Variants in MARCHF1 observed in about 807,000 individuals in gnomAD.
MARCHF1 encodes the protein membrane associated ring-CH-type finger 1.
MARCHF1 carries 40 observed loss-of-function variants against 54.2 expected under a neutral mutation model. The ratio of observed to expected loss-of-function variants is 0.74; its 90% CI spans 0.57 to 0.96. The LOEUF (loss-of-function observed/expected upper bound fraction) is 0.96, where lower values mean the gene tolerates loss of function less well. MARCHF1 is among the 40% of genes least tolerant of loss of function. The pLI, the probability that MARCHF1 is intolerant of heterozygous loss-of-function variation, is 0.00. For missense variants in MARCHF1, 586 were observed against 656.5 expected (o/e 0.89, Z 1.17); for synonymous variants, 236 against 236.3 (o/e 1.00, Z 0.01).
chr4:163,590,610 AT>A (rs1740560172), intron 7 of MARCHF1, among the ~76,000 whole-genome samples: 1 of 152,074 alleles, frequency 6.6e-6, no homozygotes, highest in Non-Finnish European at 1.5e-5. Flanking sequence ...TTCTTTTCAT[AT>A]GAGCTTGTAC....
At chr4:163,873,667 G>C (rs1750228035) in intron 3 of MARCHF1, among the ~76,000 whole-genome samples, 1 of 152,152 alleles carries the variant, frequency 6.6e-6, no homozygotes, top group Non-Finnish European at 1.5e-5. Context: ...GGAAAACTAA[G>C]ATCAGTGAGA....
chr4:163,979,605 C>G (rs1206148772), intron 3 of MARCHF1, among the ~76,000 whole-genome samples: 1 of 151,488 alleles, frequency 6.6e-6, no homozygotes, highest in Non-Finnish European at 1.5e-5. Flanking sequence ...ACACTGACTT[C>G]CACAATGGTT....
chr4:163,993,688 A>G (rs1357893353), intron 2 of MARCHF1, among the ~76,000 whole-genome samples: 1 of 152,172 alleles, frequency 6.6e-6, no homozygotes, highest in African/African-American at 2.4e-5. Flanking sequence ...ACAAAAGAAC[A>G]TCATCACAAA....
intron 1 of MARCHF1, among the ~76,000 whole-genome samples, chr4:164,175,456 A>G (rs1451047917): frequency 4.6e-5 from 7 of 152,186 alleles, no homozygotes; most frequent in African/African-American, 1.4e-4. Flanking sequence ...TATAAAATTA[A>G]TCTATGATAA....
rs61734697 is a variant in MARCHF1, at chr4:164,197,315, T to G, written c.-322-85653A>C. ...AGATATGTGAGTTGCAGGAGAAGCT[T>G]GAACACGTTTTCTCCGTAGTCGTTC... is the stretch of plus-strand genomic sequence containing the variant. On this transcript the variant is annotated intron_variant, in intron 1 of 9. Coordinates refer to ENST00000514618, the MANE Select transcript of MARCHF1 (RefSeq NM_001394959.1). The G allele has an allele frequency of 2.1e-5, 34 of 1,612,032 alleles. No individual in the cohort carries two copies. In the Admixed American group the frequency reaches 4.8e-4, roughly 23 times the overall value.
intron 5 of MARCHF1, among the ~76,000 whole-genome samples, chr4:163,693,967 G>A (rs1277659618): frequency 6.6e-6 from 1 of 152,112 alleles, no homozygotes; most frequent in Non-Finnish European, 1.5e-5. Flanking sequence ...AAAGGTCAGA[G>A]ACACTTCACC....
intron 1 of MARCHF1, among the ~76,000 whole-genome samples, chr4:164,355,737 C>A (rs373481197): frequency 6.9e-5 from 7 of 101,150 alleles, no homozygotes; most frequent in Admixed American, 3.2e-4. Flanking sequence ...ACCAAAAGCA[C>A]TGGCAACAAA....
At chr4:163,659,788 C>T (rs1233096439) in intron 5 of MARCHF1, among the ~76,000 whole-genome samples, 1 of 151,978 alleles carries the variant, frequency 6.6e-6, no homozygotes, top group African/African-American at 2.4e-5. Context: ...AGCCAACAAA[C>T]ATACGGAAAA....
rs142778782 is a variant in MARCHF1, at chr4:164,014,116, C to T, written c.-247-25407G>A. Among the ~76,000 whole-genome samples, 565 of 150,804 alleles carry T rather than the reference C, an allele frequency of 3.7e-3. 4 individuals are homozygous for T. The highest frequency in any genetic ancestry group is 0.013 in the African/African-American group (547 of 41,010). ...CTGAGGCAGGAGAATTGTTTGAACC[C>T]AGGAGGCAGAGGTTGCAGTGACCCG... On this transcript the variant is annotated intron_variant, in intron 2 of 9. Coordinates refer to ENST00000514618, the MANE Select transcript of MARCHF1 (RefSeq NM_001394959.1).
At chr4:164,119,320 C>T (rs751553293) in intron 1 of MARCHF1, among the ~76,000 whole-genome samples, 13 of 150,532 alleles carry the variant, frequency 8.6e-5, no homozygotes, top group Non-Finnish European at 1.8e-4. Context: ...ATAATGAAAA[C>T]TTAGACTGTC....
chr4:164,274,898 G>A (rs913134309), intron 1 of MARCHF1, among the ~76,000 whole-genome samples: 7 of 150,432 alleles, frequency 4.7e-5, no homozygotes, highest in South Asian at 2.1e-4. Flanking sequence ...GGATGGTCTC[G>A]ATCTCCTGAC....
At chr4:164,110,347 T>C (rs1284084074) in intron 2 of MARCHF1, among the ~76,000 whole-genome samples, 1 of 151,886 alleles carries the variant, frequency 6.6e-6, no homozygotes, top group Non-Finnish European at 1.5e-5. Context: ...TATATAATCT[T>C]TATTTCTGCT....
intron 3 of MARCHF1, among the ~76,000 whole-genome samples, chr4:163,897,892 T>TA (rs71600649): frequency 0.31 from 45,865 of 148,734 alleles, 7,307 homozygotes; most frequent in African/African-American, 0.37. Context: ...CAGTCTCTAC[T>TA]AAAAAAAAAC....
chr4:164,081,509 AG>A (rs536099818), intron 2 of MARCHF1, among the ~76,000 whole-genome samples: 1 of 152,156 alleles, frequency 6.6e-6, no homozygotes. Flanking sequence ...CCAGTAAAGA[AG>A]AGGACATTCT....
At chr4:164,235,340 T>C (rs7684050) in intron 1 of MARCHF1, among the ~76,000 whole-genome samples, 92,916 of 151,952 alleles carry the variant, frequency 0.61, 29,285 homozygotes, top group Non-Finnish European at 0.7. Context: ...TCACGTTGGA[T>C]CTGAAGTATT....
chr4:163,967,704 A>G lies in MARCHF1; in HGVS notation c.-39+20797T>C, dbSNP rs1752471525. ...TCTATCTATATCGATATCTATTGAT[A>G]TGTACATAAAGAGAGGGGGAATTTG... On this transcript the variant is annotated intron_variant, in intron 3 of 9. Transcript: ENST00000514618. Among the ~76,000 whole-genome samples, 8 of 152,172 alleles carry G rather than the reference A, an allele frequency of 5.3e-5. No homozygotes were observed. The South Asian group carries it at 1.7e-3, about 31-fold the overall frequency.
intron 7 of MARCHF1, among the ~76,000 whole-genome samples, chr4:163,606,064 A>G (rs1283573888): frequency 6.6e-6 from 1 of 152,160 alleles, no homozygotes; most frequent in East Asian, 1.9e-4. Context: ...ATTTAAAAAA[A>G]TGAGAATATG....
chr4:163,666,005 G>C (rs1238362213), intron 5 of MARCHF1, among the ~76,000 whole-genome samples: 2 of 152,058 alleles, frequency 1.3e-5, no homozygotes, highest in Non-Finnish European at 2.9e-5. Context: ...ATGCAGACGT[G>C]CTCACTAAAA....
intron 4 of MARCHF1, among the ~76,000 whole-genome samples, chr4:163,801,648 C>T (rs543098335): frequency 5.3e-5 from 8 of 152,208 alleles, no homozygotes; most frequent in African/African-American, 1.7e-4. Context: ...GCACCATCTT[C>T]CCCACCCTAA....
Sources: gnomAD v4.1 joint callset for allele counts (sites outside exome capture counted in the v4.1 genomes callset) on GRCh38, gnomAD v4.1.1 for gene constraint, MANE v1.5 for transcripts, NCBI Gene and HGNC (gene_info 2026-07-23, HGNC 2026-07-21) for gene names.